LUC7L3: variants seen among roughly 807,000 people sequenced by gnomAD.
LUC7L3 encodes LUC7 like 3 pre-mRNA splicing factor.
Under a neutral mutation model 66.8 loss-of-function variants are expected in LUC7L3, and 6 were observed. That is an observed-to-expected ratio of 0.09 (90% CI 0.05 to 0.18). The LOEUF (loss-of-function observed/expected upper bound fraction) is 0.18. Ranked by LOEUF, LUC7L3 falls within the 10% of genes least tolerant of loss-of-function variation. LUC7L3 has a pLI of 1.00. For synonymous variants in LUC7L3, 160 were observed against 174.7 expected (o/e 0.92, Z 0.66); for missense variants, 341 against 531.1 (o/e 0.64, Z 3.52).
At chr17:50,733,372 C>T (rs1597908315) in intron 1 of LUC7L3, among the ~76,000 whole-genome samples, 1 of 149,030 alleles carries the variant, frequency 6.7e-6, no homozygotes, top group Non-Finnish European at 1.5e-5. Flanking sequence ...GCTGGGACTA[C>T]AGGCACCTGC....
chr17:50,748,094 C>T (rs1010063099), intron 9 of LUC7L3, among the ~76,000 whole-genome samples: 1 of 152,060 alleles, frequency 6.6e-6, no homozygotes, highest in African/African-American at 2.4e-5. Context: ...GCTTTAGTTG[C>T]TCTATTCTGT....
chr17:50,733,637 G>A (rs1346876345), intron 1 of LUC7L3, among the ~76,000 whole-genome samples: 3 of 152,052 alleles, frequency 2.0e-5, no homozygotes, highest in African/African-American at 4.8e-5. Context: ...TCCTGACCTC[G>A]TGATCCGCAC....
chr17:50,732,789 T>C (rs1389208763), intron 1 of LUC7L3, among the ~76,000 whole-genome samples: 1 of 152,114 alleles, frequency 6.6e-6, no homozygotes, highest in African/African-American at 2.4e-5. Flanking sequence ...CTAGCTGGAG[T>C]GCAGCGGTGT....
rs1203297509 is a variant in LUC7L3 at position 50,738,297 on chromosome 17, A to G, written c.166+1271A>G. 3 of 235,400 alleles carry G rather than the reference A, an allele frequency of 1.3e-5. No homozygotes were observed. In the East Asian group the frequency reaches 3.8e-4, roughly 30 times the overall value. The allele number at this position is 235,400 out of a possible 1,614,324, so 14.6% of individuals were successfully genotyped here. A position where few individuals can be genotyped will look rare whatever the true frequency, so the allele number is the denominator to read the frequency against. ...AGCTGACAAACCCTGCCTAATCCCT[A>G]CTAACTTCCAGTCAGATTTTGGAAG... On this transcript the variant is annotated intron_variant, in intron 2 of 9. Transcript: ENST00000505658.
Position 50,751,725 on chromosome 17 carries a change from T to A in LUC7L3, c.*1064T>A. 9.6e-7 allele frequency: 1 copy of A among 1,043,840 alleles called. No homozygotes were observed. Among genetic ancestry groups the A allele is most frequent in the Non-Finnish European group, 1.2e-6 (1 of 864,188 alleles). The allele number at this position is 1,043,840 out of a possible 1,614,324, so 64.7% of individuals were successfully genotyped here. ...GTCAGCCATAGGTATGTAGGAATAG[T>A]CACTCACTGGCTGATACATTTAAAG... is the stretch of plus-strand genomic sequence containing the variant. On this transcript the variant is annotated 3_prime_UTR_variant, in exon 10 of 10. Transcript: ENST00000505658.
chr17:50,744,741 G>A lies in LUC7L3; in HGVS notation c.621G>A (p.Arg207=), dbSNP rs1442795292. Residue 207 remains arginine (R), a synonymous_variant, in exon 7 of 10, where the codon CGG becomes CGA. Coordinates refer to ENST00000505658, the MANE Select transcript of LUC7L3 (RefSeq NM_016424.5). ...TAATAGTAGGAGATGCCCAGTCCCG[G>A]GTAGATGACCATTTGATGGGAAAAC... is the stretch of plus-strand genomic sequence containing the variant. ...AFLIVGDAQS[R]VDDHLMGKQH... 4 of 1,613,990 alleles carry A rather than the reference G, an allele frequency of 2.5e-6. No homozygotes were observed. The African/African-American group carries it at 4.0e-5, about 16-fold the overall frequency.
chr17:50,752,183 CA>C lies in LUC7L3; in HGVS notation c.*1525del, dbSNP rs1296111294. 12 of 1,283,388 alleles carry C rather than the reference CA, an allele frequency of 9.4e-6. No individual in the cohort carries two copies. Among genetic ancestry groups the C allele is most frequent in the Non-Finnish European group, 1.2e-5 (12 of 986,006 alleles). 79.5% of individuals were successfully genotyped at this position (1,283,388 alleles called of 1,614,324 possible). A position where few individuals can be genotyped will look rare whatever the true frequency, so the allele number is the denominator to read the frequency against. On this transcript the variant is annotated 3_prime_UTR_variant, in exon 10 of 10. Transcript: ENST00000505658. ...ATGTTGTCTAATTATCATTTTTCCC[CA>C]AATTTTGCGTTGTAGGACTACTGTT...
intron 1 of LUC7L3, among the ~76,000 whole-genome samples, chr17:50,727,430 A>G (rs1264057012): frequency 3.9e-5 from 6 of 152,102 alleles, no homozygotes; most frequent in African/African-American, 1.4e-4. Context: ...TCAACAACCA[A>G]TTTTCCAGTC....
At chr17:50,724,237 T>C (rs554060101) in intron 1 of LUC7L3, 140 of 182,548 alleles carry the variant, frequency 7.7e-4, no homozygotes, top group African/African-American at 3.1e-3. Flanking sequence ...AAAAAAAACA[T>C]AGCCGACCGG....
At chr17:50,732,784 T>C (rs1466423393) in intron 1 of LUC7L3, among the ~76,000 whole-genome samples, 2 of 152,188 alleles carry the variant, frequency 1.3e-5, no homozygotes, top group Non-Finnish European at 2.9e-5. Context: ...TCACCCTAGC[T>C]GGAGTGCAGC....
chr17:50,726,717 T>C (rs1286085802), intron 1 of LUC7L3, among the ~76,000 whole-genome samples: 1 of 152,202 alleles, frequency 6.6e-6, no homozygotes, highest in African/African-American at 2.4e-5. Context: ...GTTTTCACAT[T>C]TTTTTCTCTA....
At chr17:50,737,183 A>G (rs1312870467) in intron 2 of LUC7L3, 157 bp downstream of exon 2, 1 of 639,704 alleles carries the variant, frequency 1.6e-6, no homozygotes, top group Non-Finnish European at 2.7e-6. Context: ...ATTTGAATGT[A>G]TTAATAAATG....
Position 50,735,672 on chromosome 17 carries a change from A to AT in LUC7L3, c.100-1282dup, listed in dbSNP as rs1450525886. Among the ~76,000 whole-genome samples the AT allele has an allele frequency of 6.6e-5, 10 of 151,686 alleles. No individual in the cohort carries two copies. The South Asian group carries it at 1.5e-3, about 22-fold the overall frequency. ...GCCACCATGCCTGGCTACTTTCTGTATTTTTTATAGACATGGGGTTTTGCC... is the reference window on the plus strand; with the variant it reads ...GCCACCATGCCTGGCTACTTTCTGTATTTTTTTATAGACATGGGGTTTTGCC... On this transcript the variant is annotated intron_variant, in intron 1 of 9. Coordinates refer to ENST00000505658, the MANE Select transcript of LUC7L3 (RefSeq NM_016424.5).
chr17:50,742,922 A>G (rs941597186), intron 5 of LUC7L3, among the ~76,000 whole-genome samples: 4 of 152,224 alleles, frequency 2.6e-5, no homozygotes, highest in African/African-American at 9.6e-5. Flanking sequence ...ACATGAGACA[A>G]TATGGGTGGA....
At position 50,750,988 on chromosome 17, in the gene LUC7L3, C is replaced by CTT; in HGVS notation, c.*327_*328insTT. 1 of 1,370,018 alleles carries CTT rather than the reference C, an allele frequency of 7.3e-7. No homozygotes were observed. The highest frequency in any genetic ancestry group is 1.6e-5 in the African/African-American group (1 of 64,040). 84.9% of individuals were successfully genotyped at this position (1,370,018 alleles called of 1,614,324 possible). A position where few individuals can be genotyped will look rare whatever the true frequency, so the allele number is the denominator to read the frequency against. On this transcript the variant is annotated 3_prime_UTR_variant, in exon 10 of 10. Transcript: ENST00000505658. ...ATCCTTTTTTTAGGGATTTTGATGT[C>CTT]ATTTCTTTTTTTTTTTTAATAAAAA...
intron 6 of LUC7L3, 59 bp downstream of exon 6, chr17:50,743,869 T>G: frequency 8.0e-7 from 1 of 1,249,668 alleles, no homozygotes; most frequent in Non-Finnish European, 1.2e-6. Flanking sequence ...TAGGAACTCA[T>G]TTTTATTTGA....
At chr17:50,736,862 C>T (rs951168877) in intron 1 of LUC7L3, 98 bp from the exon 2 acceptor site, 1 of 734,564 alleles carries the variant, frequency 1.4e-6, no homozygotes, top group Non-Finnish European at 2.4e-6. Context: ...TTGAAACATA[C>T]ATACCTCAAG....
chr17:50,729,620 C>T (rs1455228998), intron 1 of LUC7L3, among the ~76,000 whole-genome samples: 1 of 151,964 alleles, frequency 6.6e-6, no homozygotes, highest in Non-Finnish European at 1.5e-5. Context: ...GCCAGTTCAC[C>T]TACCGTGCAC....
In LUC7L3 at chr17:50,740,301, C is replaced by G. The variant is rs373795455; in HGVS notation, c.167-5C>G. On this transcript the variant is annotated splice_polypyrimidine_tract_variant and splice_region_variant and intron_variant, in intron 2 of 9. Transcript: ENST00000505658. ...TAATTTATACAATTATATTTTTTCC[C>G]CCAGGTCCGTGTGAAAAAATTCATG... 3.1e-6 allele frequency: 5 copies of G among 1,599,124 alleles called. No individual in the cohort carries two copies. Among genetic ancestry groups the G allele is most frequent in the Non-Finnish European group, 4.3e-6 (5 of 1,172,910 alleles).
Sources: allele counts gnomAD v4.1 joint callset (sites outside exome capture counted in the v4.1 genomes callset), GRCh38; gene constraint gnomAD v4.1.1; transcripts MANE v1.5; gene names NCBI Gene and HGNC (gene_info 2026-07-23, HGNC 2026-07-21).